Variants in ROBO2 observed in about 807,000 individuals in gnomAD.
ROBO2 encodes roundabout guidance receptor 2.
ROBO2 carries 53 observed loss-of-function variants against 160.8 expected under a neutral mutation model. The observed-to-expected ratio is 0.33, with a 90% CI of 0.26 to 0.41. The LOEUF is 0.41. Among genes scored for constraint, ROBO2 ranks in the 10% least tolerant of loss-of-function variants. The pLI, the probability that ROBO2 is intolerant of heterozygous loss-of-function variation, is 1.00. For synonymous variants in ROBO2, 664 were observed against 611.7 expected, an observed-to-expected ratio of 1.09 and a Z score of -1.26; for missense variants, 1,577 against 1,722.4, an observed-to-expected ratio of 0.92 and a Z score of 1.49.
chr3:77,152,868 C>T (rs1446335202), intron 2 of ROBO2, among the ~76,000 whole-genome samples: 1 of 152,228 alleles, frequency 6.6e-6, no homozygotes, highest in East Asian at 1.9e-4. Flanking sequence ...AGTTATCTAA[C>T]TTGATAATAT....
chr3:75,943,627 A>C (rs1948148972), intron 2 of ROBO2, among the ~76,000 whole-genome samples: 4 of 152,214 alleles, frequency 2.6e-5, no homozygotes, highest in African/African-American at 9.6e-5. Context: ...TGGTATAAAC[A>C]GGAAAAAAGA....
chr3:77,157,205 T>C (rs1486642805), intron 2 of ROBO2, among the ~76,000 whole-genome samples: 1 of 152,082 alleles, frequency 6.6e-6, no homozygotes, highest in Non-Finnish European at 1.5e-5. Flanking sequence ...ACTCACTGAT[T>C]TTTGCTGCTA....
intron 2 of ROBO2, among the ~76,000 whole-genome samples, chr3:77,420,081 TCC>T (rs2077577623): frequency 6.6e-6 from 1 of 151,758 alleles, no homozygotes; most frequent in African/African-American, 2.4e-5. Context: ...TTCATAACAT[TCC>T]CCCCAACATT....
At chr3:77,075,317 T>G (rs2067851882) in intron 1 of ROBO2, among the ~76,000 whole-genome samples, 2 of 152,172 alleles carry the variant, frequency 1.3e-5, no homozygotes, top group South Asian at 4.1e-4. Context: ...ATGAAAATAC[T>G]GATGAATTTC....
intron 2 of ROBO2, among the ~76,000 whole-genome samples, chr3:76,648,245 A>C (rs1319034432): frequency 3.3e-5 from 5 of 152,208 alleles, no homozygotes; most frequent in African/African-American, 7.2e-5. Flanking sequence ...AAGCATTAAA[A>C]ATAAATCTTT....
At chr3:77,624,809 G>A (rs1394853377) in intron 23 of ROBO2, among the ~76,000 whole-genome samples, 2 of 152,182 alleles carry the variant, frequency 1.3e-5, no homozygotes, top group East Asian at 3.9e-4. Flanking sequence ...TTATTAAAGA[G>A]ATCTAACAGT....
intron 2 of ROBO2, among the ~76,000 whole-genome samples, chr3:76,101,859 T>G (rs1339741852): frequency 2.8e-3 from 265 of 94,146 alleles, no homozygotes; most frequent in Middle Eastern, 0.018. Context: ...GTGTCCATGT[T>G]TTCCCATTGT....
At chr3:76,978,505 T>C in intron 2 of ROBO2, among the ~76,000 whole-genome samples, 1 of 152,132 alleles carries the variant, frequency 6.6e-6, no homozygotes. Context: ...TTCTTCTAAA[T>C]AGCTCAGTTC....
At chr3:76,226,402 G>A (rs1159408019) in intron 2 of ROBO2, among the ~76,000 whole-genome samples, 1 of 152,132 alleles carries the variant, frequency 6.6e-6, no homozygotes, top group Non-Finnish European at 1.5e-5. Flanking sequence ...GTACAAGCTG[G>A]TGTGTGCCCT....
intron 2 of ROBO2, among the ~76,000 whole-genome samples, chr3:76,036,516 T>C (rs922990413): frequency 2.6e-5 from 4 of 151,756 alleles, no homozygotes; most frequent in African/African-American, 9.7e-5. Flanking sequence ...CTTTTTTCTT[T>C]TTTTTGAAAC....
intron 21 of ROBO2, among the ~76,000 whole-genome samples, chr3:77,611,284 C>T (rs529593659): frequency 8.0e-5 from 11 of 137,176 alleles, no homozygotes; most frequent in South Asian, 2.5e-4. Context: ...GGCGACAGAG[C>T]GAGACTCTGT....
At chr3:77,623,447 C>T (rs745826120) in intron 23 of ROBO2, among the ~76,000 whole-genome samples, 2 of 152,192 alleles carry the variant, frequency 1.3e-5, no homozygotes, top group Non-Finnish European at 2.9e-5. Context: ...GTTCTACAAA[C>T]ACTGATGGGA....
At chr3:76,799,474 C>A (rs559361765) in intron 2 of ROBO2, among the ~76,000 whole-genome samples, 83 of 150,678 alleles carry the variant, frequency 5.5e-4, no homozygotes, top group African/African-American at 1.9e-3. Context: ...TTTAAAAAAA[C>A]CTAAAGACTT....
chr3:76,697,123 G>C (rs995114522), intron 2 of ROBO2, among the ~76,000 whole-genome samples: 1 of 152,120 alleles, frequency 6.6e-6, no homozygotes, highest in Non-Finnish European at 1.5e-5. Context: ...TTGACACATG[G>C]TATTGATAGC....
chr3:77,581,814 T>A (rs1414321408), intron 16 of ROBO2, among the ~76,000 whole-genome samples: 1 of 152,182 alleles, frequency 6.6e-6, no homozygotes, highest in Non-Finnish European at 1.5e-5. Context: ...TTGATTTCTA[T>A]TTGCGCTCTT....
intron 5 of ROBO2, among the ~76,000 whole-genome samples, chr3:77,503,723 T>C (rs2153609945): frequency 6.6e-6 from 1 of 151,986 alleles, no homozygotes; most frequent in Middle Eastern, 3.4e-3. Context: ...GCTATATATT[T>C]TCTACCCAAT....
intron 2 of ROBO2, among the ~76,000 whole-genome samples, chr3:77,311,303 T>C (rs1180298024): frequency 2.0e-5 from 3 of 152,176 alleles, no homozygotes; most frequent in Non-Finnish European, 1.5e-5. Flanking sequence ...ACCGGAAATA[T>C]CCCGGTGCTT....
chr3:76,248,772 T>C (rs1705797117), intron 2 of ROBO2, among the ~76,000 whole-genome samples: 1 of 152,106 alleles, frequency 6.6e-6, no homozygotes, highest in Non-Finnish European at 1.5e-5. Context: ...CATTTTGTCA[T>C]AGTGTGTGCA....
intron 2 of ROBO2, among the ~76,000 whole-genome samples, chr3:76,107,672 T>G (rs1009521916): frequency 6.6e-6 from 1 of 152,098 alleles, no homozygotes; most frequent in African/African-American, 2.4e-5. Context: ...TACAGACATG[T>G]TCAAAGACAC....
Sources: allele counts gnomAD v4.1 joint callset (sites outside exome capture counted in the v4.1 genomes callset), GRCh38; gene constraint gnomAD v4.1.1; transcripts MANE v1.5; gene names NCBI Gene and HGNC (gene_info 2026-07-23, HGNC 2026-07-21).